Variants in HS3ST5 observed in about 807,000 individuals in gnomAD.
The protein encoded by HS3ST5 is heparan sulfate glucosamine 3-O-sulfotransferase 5.
In HS3ST5, 10 loss-of-function variants were observed where a neutral mutation model predicts 25.4. The ratio of observed to expected loss-of-function variants is 0.39; its 90% CI spans 0.24 to 0.67. The LOEUF (loss-of-function observed/expected upper bound fraction) is 0.67, where lower values mean the gene tolerates loss of function less well. Among genes scored for constraint, HS3ST5 ranks in the 30% least tolerant of loss-of-function variants. The pLI is 0.44. For missense variants in HS3ST5, 324 were observed against 420.7 expected (o/e 0.77, Z 2.01); for synonymous variants, 170 against 162.4 (o/e 1.05, Z -0.36).
At chr6:114,327,659 C>T (rs1776226292) in intron 1 of HS3ST5, among the ~76,000 whole-genome samples, 1 of 146,064 alleles carries the variant, frequency 6.8e-6, no homozygotes, top group South Asian at 2.2e-4. Context: ...CATGCAACAT[C>T]ATTTTTTTTT....
At chr6:114,176,559 A>G (rs2115014830) in intron 2 of HS3ST5, among the ~76,000 whole-genome samples, 1 of 152,324 alleles carries the variant, frequency 6.6e-6, no homozygotes, top group African/African-American at 2.4e-5. Context: ...AGGGTTATGT[A>G]TACATGCATG....
chr6:114,319,542 G>C (rs556221216), intron 1 of HS3ST5, among the ~76,000 whole-genome samples: 1 of 151,770 alleles, frequency 6.6e-6, no homozygotes, highest in Non-Finnish European at 1.5e-5. Context: ...CTCTTTTTTG[G>C]TACCCTGGGT....
chr6:114,075,095 A>G (rs559496581), intron 3 of HS3ST5, among the ~76,000 whole-genome samples: 44 of 152,344 alleles, frequency 2.9e-4, no homozygotes, highest in African/African-American at 1.1e-3. Context: ...GATGCAGGAA[A>G]TAATATGGAC....
chr6:114,132,672 G>C lies in HS3ST5; in HGVS notation c.-33+35679C>G, dbSNP rs1368820347. ...CCAGATATAAGGGGGGAAAGGGCAG[G>C]CTTATAAATAGTTACCATCTCTGTG... is the stretch of plus-strand genomic sequence containing the variant. On this transcript the variant is annotated intron_variant, in intron 3 of 4. Transcript: ENST00000312719. Among the ~76,000 whole-genome samples, 3 of 152,322 alleles carry C rather than the reference G, an allele frequency of 2.0e-5. No homozygotes were observed. In the Middle Eastern group the frequency reaches 0.01, roughly 518 times the overall value.
intron 1 of HS3ST5, among the ~76,000 whole-genome samples, chr6:114,316,566 G>C (rs1265534893): frequency 6.6e-6 from 1 of 152,088 alleles, no homozygotes; most frequent in Non-Finnish European, 1.5e-5. Flanking sequence ...ATACGCAAAA[G>C]TGTTCAAGTG....
At chr6:114,132,702 T>C (rs915028880) in intron 3 of HS3ST5, among the ~76,000 whole-genome samples, 6 of 152,168 alleles carry the variant, frequency 3.9e-5, no homozygotes, top group African/African-American at 1.4e-4. Context: ...TCTGTGAGTA[T>C]TGAATAAGGT....
intron 3 of HS3ST5, among the ~76,000 whole-genome samples, chr6:114,075,167 A>G (rs1052904064): frequency 2.0e-5 from 3 of 152,226 alleles, no homozygotes; most frequent in Non-Finnish European, 4.4e-5. Flanking sequence ...CTTGATATAC[A>G]TATAAGATCC....
chr6:114,293,886 G>A (rs114930688), intron 1 of HS3ST5, among the ~76,000 whole-genome samples: 1,869 of 152,274 alleles, frequency 0.012, 50 homozygotes, highest in African/African-American at 0.043. Context: ...TGGTGCCCAG[G>A]AGACCATCAA....
intron 3 of HS3ST5, among the ~76,000 whole-genome samples, chr6:114,135,798 C>T (rs148354370): frequency 6.6e-6 from 1 of 152,352 alleles, no homozygotes; most frequent in Non-Finnish European, 1.5e-5. Flanking sequence ...TCCCCAGCCA[C>T]CCTAATGACT....
At chr6:114,074,799 T>G (rs1272873782) in intron 3 of HS3ST5, among the ~76,000 whole-genome samples, 5 of 152,088 alleles carry the variant, frequency 3.3e-5, no homozygotes, top group African/African-American at 1.2e-4. Context: ...AAATATTTAA[T>G]AAACCTATAA....
chr6:114,095,490 G>C (rs1357596524), intron 3 of HS3ST5, among the ~76,000 whole-genome samples: 5 of 152,142 alleles, frequency 3.3e-5, no homozygotes, highest in African/African-American at 1.2e-4. Flanking sequence ...GAATTACCAA[G>C]GATAAGGGGC....
intron 3 of HS3ST5, chr6:114,084,101 TAG>T: frequency 1.2e-5 from 7 of 576,322 alleles, no homozygotes; most frequent in South Asian, 4.5e-5. Context: ...TTTTTTTTTT[TAG>T]AAACTGATGT....
intron 2 of HS3ST5, among the ~76,000 whole-genome samples, chr6:114,174,268 C>T (rs1049072770): frequency 3.9e-5 from 6 of 152,000 alleles, no homozygotes; most frequent in African/African-American, 1.4e-4. Context: ...GTTCTTTTTC[C>T]AGGTGCCCTT....
intron 3 of HS3ST5, among the ~76,000 whole-genome samples, chr6:114,138,588 C>A (rs533877321): frequency 2.6e-5 from 4 of 152,140 alleles, no homozygotes; most frequent in African/African-American, 9.7e-5. Flanking sequence ...TAGCATCTCT[C>A]GGAATGGCTG....
chr6:114,270,427 G>T (rs1773590622), intron 1 of HS3ST5, among the ~76,000 whole-genome samples: 1 of 152,036 alleles, frequency 6.6e-6, no homozygotes, highest in Non-Finnish European at 1.5e-5. Context: ...AAAATAAATT[G>T]CATTTTTAGA....
intron 1 of HS3ST5, among the ~76,000 whole-genome samples, chr6:114,299,580 TTC>T (rs1774984545): frequency 2.0e-5 from 3 of 152,138 alleles, no homozygotes; most frequent in South Asian, 4.1e-4. Context: ...GCTTCGAAAT[TTC>T]TCTCTTTTGT....
At chr6:114,209,546 G>C (rs1383395466) in intron 2 of HS3ST5, among the ~76,000 whole-genome samples, 5 of 151,748 alleles carry the variant, frequency 3.3e-5, no homozygotes, top group Admixed American at 2.6e-4. Flanking sequence ...TAAATGATTT[G>C]GTATTCAAAT....
intron 1 of HS3ST5, among the ~76,000 whole-genome samples, chr6:114,302,346 T>C (rs1442373639): frequency 6.6e-6 from 1 of 152,212 alleles, no homozygotes; most frequent in Non-Finnish European, 1.5e-5. Context: ...AATATGGCAG[T>C]AGACATGAAA....
chr6:114,306,025 C>T (rs1019052764), intron 1 of HS3ST5, among the ~76,000 whole-genome samples: 1 of 151,970 alleles, frequency 6.6e-6, no homozygotes, highest in African/African-American at 2.4e-5. Context: ...AGTCCAAAGT[C>T]GCATTCCTGT....
Sources: allele counts gnomAD v4.1 joint callset (sites outside exome capture counted in the v4.1 genomes callset), GRCh38; gene constraint gnomAD v4.1.1; transcripts MANE v1.5; gene names NCBI Gene and HGNC (gene_info 2026-07-23, HGNC 2026-07-21).